The following CDYL variants were observed in gnomAD, a reference collection of about 807,000 sequenced individuals.
CDYL encodes the protein chromodomain Y-like protein.
Under a neutral mutation model 47.3 loss-of-function variants are expected in CDYL, and 8 were observed. The observed-to-expected ratio is 0.17, with a 90% CI of 0.10 to 0.31. The LOEUF (loss-of-function observed/expected upper bound fraction) is 0.31, where lower values mean the gene tolerates loss of function less well. CDYL is among the 10% of genes least tolerant of loss of function. CDYL has a pLI of 1.00. For missense variants in CDYL, 471 were observed against 701.4 expected (o/e 0.67, Z 3.71); for synonymous variants, 266 against 265.0 (o/e 1.00, Z -0.04).
intron 2 of CDYL, among the ~76,000 whole-genome samples, chr6:4,919,730 A>G (rs77427148): frequency 0.024 from 3,628 of 152,300 alleles, 157 homozygotes; most frequent in African/African-American, 0.082. Flanking sequence ...ATCACAGTCC[A>G]TGATTTTAAT....
intron 1 of CDYL, among the ~76,000 whole-genome samples, chr6:4,847,979 C>A (rs1463492784): frequency 6.6e-6 from 1 of 152,032 alleles, no homozygotes; most frequent in African/African-American, 2.4e-5. Context: ...GGGTTTTTGC[C>A]CTTGCTTTCA....
upstream of CDYL, among the ~76,000 whole-genome samples, chr6:4,774,034 A>G (rs940054058): frequency 3.9e-5 from 6 of 152,130 alleles, no homozygotes; most frequent in East Asian, 1.9e-4. Flanking sequence ...CTGGGCAACA[A>G]TGGCAGTTTT....
At chr6:4,922,668 G>T (rs75819046) in intron 2 of CDYL, among the ~76,000 whole-genome samples, 3 of 152,208 alleles carry the variant, frequency 2.0e-5, no homozygotes, top group Admixed American at 1.3e-4. Flanking sequence ...TTATTTATCT[G>T]TGTTAATTAC....
intron 3 of CDYL, among the ~76,000 whole-genome samples, chr6:4,762,732 G>A (rs1758195378): frequency 6.7e-6 from 1 of 148,252 alleles, no homozygotes; most frequent in Non-Finnish European, 1.5e-5. Flanking sequence ...TAGATCAGGA[G>A]AAAGTACCCA....
At chr6:4,794,588 G>A (rs73362531) in intron 1 of CDYL, among the ~76,000 whole-genome samples, 11,192 of 152,172 alleles carry the variant, frequency 0.074, 1,407 homozygotes, top group African/African-American at 0.26. Context: ...GGGAAGGGGA[G>A]GGCCAGGAGA....
chr6:4,903,249 C>A (rs1757124287), intron 2 of CDYL, among the ~76,000 whole-genome samples: 1 of 152,166 alleles, frequency 6.6e-6, no homozygotes, highest in Non-Finnish European at 1.5e-5. Flanking sequence ...GCGCCATGTC[C>A]CTGCTGTACG....
At chr6:4,751,002 G>A (rs1002167670) in intron 3 of CDYL, among the ~76,000 whole-genome samples, 8 of 151,698 alleles carry the variant, frequency 5.3e-5, no homozygotes, top group East Asian at 3.9e-4. Flanking sequence ...ACAGGCACCC[G>A]CCACCACGCC....
At chr6:4,852,748 T>G (rs1289214189) in intron 1 of CDYL, among the ~76,000 whole-genome samples, 1 of 152,114 alleles carries the variant, frequency 6.6e-6, no homozygotes, top group Non-Finnish European at 1.5e-5. Context: ...TACATTATTT[T>G]TGTTTGAGTT....
chr6:4,776,679 A>C lies in CDYL; in HGVS notation c.-105A>C, dbSNP rs1281571493. On this transcript the variant is annotated 5_prime_UTR_variant, in exon 1 of 7. Coordinates refer to ENST00000397588, the MANE Select transcript of CDYL (RefSeq NM_004824.4). ...CCAGCGCCCGGCCGGCCGCGGGAGCAGGAAGCGCAGGCCACGCAGGACCCA... is the reference window on the plus strand; with the variant it reads ...CCAGCGCCCGGCCGGCCGCGGGAGCCGGAAGCGCAGGCCACGCAGGACCCA... 2 of 1,038,062 alleles carry C rather than the reference A, an allele frequency of 1.9e-6. No individual in the cohort carries two copies. The highest frequency in any genetic ancestry group is 2.5e-6 in the Non-Finnish European group (2 of 794,490). 64.3% of individuals were successfully genotyped at this position (1,038,062 alleles called of 1,614,324 possible).
intron 1 of CDYL, among the ~76,000 whole-genome samples, chr6:4,813,073 A>G (rs1759572665): frequency 6.6e-6 from 1 of 152,196 alleles, no homozygotes; most frequent in Non-Finnish European, 1.5e-5. Context: ...CCTTTGCTGG[A>G]CACTGTTTTA....
At chr6:4,758,351 A>AAAAAATATATATATATATATATATAT (rs1554134098) in intron 3 of CDYL, among the ~76,000 whole-genome samples, 12 of 129,082 alleles carry the variant, frequency 9.3e-5, no homozygotes, top group African/African-American at 3.7e-4. Flanking sequence ...AAAATAAATA[A>AAAAAATATATATATATATATATATAT]ATATATATAT....
chr6:4,771,753 G>A (rs1237415688), upstream of CDYL, among the ~76,000 whole-genome samples: 1 of 152,166 alleles, frequency 6.6e-6, no homozygotes, highest in Non-Finnish European at 1.5e-5. Flanking sequence ...AGGTAAAGAC[G>A]ATACTGGGAT....
At chr6:4,848,448 T>C (rs558521793) in intron 1 of CDYL, among the ~76,000 whole-genome samples, 43 of 152,246 alleles carry the variant, frequency 2.8e-4, no homozygotes, top group Admixed American at 6.5e-5. Context: ...TTAAGCCCGA[T>C]GTATGCCTCC....
At chr6:4,858,531 C>T (rs75630779) in intron 1 of CDYL, among the ~76,000 whole-genome samples, 4,995 of 152,324 alleles carry the variant, frequency 0.033, 276 homozygotes, top group African/African-American at 0.11. Context: ...CCCAGAGCCA[C>T]ACAGCCCCAG....
chr6:4,825,558 T>G (rs767464836), intron 1 of CDYL, among the ~76,000 whole-genome samples: 4 of 152,226 alleles, frequency 2.6e-5, no homozygotes, highest in Admixed American at 2.6e-4. Flanking sequence ...GAGTTAGATT[T>G]TATCAGTGCC....
intron 2 of CDYL, among the ~76,000 whole-genome samples, chr6:4,915,924 A>T (rs760847775): frequency 6.6e-6 from 1 of 152,176 alleles, no homozygotes; most frequent in Non-Finnish European, 1.5e-5. Context: ...GCATTTCTTT[A>T]TTCTGGATTC....
intron 1 of CDYL, among the ~76,000 whole-genome samples, chr6:4,820,495 G>C (rs1398554947): frequency 1.3e-5 from 2 of 152,048 alleles, no homozygotes; most frequent in East Asian, 1.9e-4. Flanking sequence ...CTCTCTCTCT[G>C]GCAGCATCGG....
At chr6:4,925,876 G>A (rs971433598) in intron 2 of CDYL, among the ~76,000 whole-genome samples, 5 of 152,062 alleles carry the variant, frequency 3.3e-5, no homozygotes, top group Admixed American at 2.6e-4. Flanking sequence ...AGAATAGCCC[G>A]GCAGGAGCTA....
chr6:4,883,900 A>G (rs919785514), intron 1 of CDYL, among the ~76,000 whole-genome samples: 1 of 152,158 alleles, frequency 6.6e-6, no homozygotes, highest in African/African-American at 2.4e-5. Flanking sequence ...ACTCCATCAG[A>G]TCCTGTAGTC....
Sources: gnomAD v4.1 joint callset for allele counts (sites outside exome capture counted in the v4.1 genomes callset) on GRCh38, gnomAD v4.1.1 for gene constraint, MANE v1.5 for transcripts, NCBI Gene and HGNC (gene_info 2026-07-23, HGNC 2026-07-21) for gene names.